DKC1: variants seen among roughly 807,000 people sequenced by gnomAD.
DKC1 encodes H/ACA ribonucleoprotein complex subunit DKC1.
In DKC1, 4 loss-of-function variants were observed where a neutral mutation model predicts 46.7. The observed-to-expected ratio is 0.09, with a 90% CI of 0.04 to 0.20. The LOEUF is 0.20. Among genes scored for constraint, DKC1 ranks in the 10% least tolerant of loss-of-function variants. DKC1 has a pLI of 1.00. For missense variants in DKC1, 171 were observed against 404.2 expected, an observed-to-expected ratio of 0.42 and a Z score of 4.95; for synonymous variants, 141 against 142.4, an observed-to-expected ratio of 0.99 and a Z score of 0.07.
intron 9 of DKC1, among the ~76,000 whole-genome samples, chrX:154,770,191 A>G (rs1557264734): frequency 9.0e-6 from 1 of 111,429 alleles, no homozygotes; most frequent in Non-Finnish European, 1.9e-5. Flanking sequence ...AATATGGACC[A>G]CGTGCGGTGG....
chrX:154,765,074 T>C, intron 2 of DKC1, 108 bp downstream of exon 2: 1 of 664,581 alleles, frequency 1.5e-6, no homozygotes, highest in Admixed American at 2.3e-5. Context: ...TGGGCCAGCA[T>C]TGGTAGTCAT....
chrX:154,767,500 T>C (rs2071760897), intron 7 of DKC1, 118 bp downstream of exon 7: 6 of 884,072 alleles, frequency 6.8e-6, no homozygotes, highest in South Asian at 2.1e-5. Context: ...AGCTGGGATA[T>C]TGTCTGTGGG....
At chrX:154,767,164 C>T (rs2071756382) in intron 6 of DKC1, 92 bp from the exon 7 acceptor site, 1 of 1,189,196 alleles carries the variant, frequency 8.4e-7, no homozygotes, top group Non-Finnish European at 1.1e-6. Context: ...CCTTTTGTCC[C>T]CTTTTCAGTC....
Position 154,766,396 on chromosome X carries a change from T to C in DKC1, c.444T>C (p.Ser148=). The C allele has an allele frequency of 8.3e-7, 1 of 1,208,505 alleles. No homozygotes were observed. The highest frequency in any genetic ancestry group is 1.1e-6 in the Non-Finnish European group (1 of 893,171). Residue 148 remains serine, a synonymous_variant, in exon 5 of 15, where the codon AGT becomes AGC. Coordinates refer to ENST00000369550, the MANE Select transcript of DKC1 (RefSeq NM_001363.5). ...RATRLVKSQQ[S]AGKEYVGIVR... ...CTCGCTTGGTGAAGTCACAACAGAG[T>C]GCAGGTATGTGGGAGAGGGAGGGAA...
chrX:154,773,912 C>T (rs1382872450), intron 11 of DKC1, among the ~76,000 whole-genome samples: 2 of 110,947 alleles, frequency 1.8e-5, no homozygotes, highest in Non-Finnish European at 3.8e-5. Context: ...CCGGACGGGG[C>T]GGCTGGCCGG....
At chrX:154,773,005 C>G (rs939987105) in intron 10 of DKC1, 126 bp from the exon 11 acceptor site, 2 of 492,973 alleles carry the variant, frequency 4.1e-6, no homozygotes, top group African/African-American at 4.7e-5. Flanking sequence ...CAAAGGTAAC[C>G]CCAATTAAAG....
chrX:154,773,698 C>T (rs960840216), intron 11 of DKC1, among the ~76,000 whole-genome samples: 33 of 111,996 alleles, frequency 2.9e-4, no homozygotes, highest in African/African-American at 1.0e-3. Context: ...CCCATGTCTA[C>T]TTCTCTCCAC....
rs1484264834 is a variant in DKC1, at chrX:154,771,212, G to A, written c.1036+333G>A. ...GTTTTTTTTTTTTTTTTTTTTTTGAGACAGTCTTGCTCTTTTCACCCAGAC... is the reference window on the plus strand; with the variant it reads ...GTTTTTTTTTTTTTTTTTTTTTTGAAACAGTCTTGCTCTTTTCACCCAGAC... On this transcript the variant is annotated intron_variant, in intron 10 of 14. Coordinates refer to ENST00000369550, the MANE Select transcript of DKC1 (RefSeq NM_001363.5). Among the ~76,000 whole-genome samples, 3 of 69,864 alleles carry A rather than the reference G, an allele frequency of 4.3e-5. No homozygotes were observed. The Admixed American group carries it at 5.8e-4, about 14-fold the overall frequency. 60.7% of individuals were successfully genotyped at this position (69,864 alleles called of 115,157 possible). A position where few individuals can be genotyped will look rare whatever the true frequency, so the allele number is the denominator to read the frequency against.
Position 154,764,684 on chromosome X carries a change from C to T in DKC1, c.17-215C>T, listed in dbSNP as rs1222840192. Among the ~76,000 whole-genome samples, 5 of 111,513 alleles carry T rather than the reference C, an allele frequency of 4.5e-5. No individual in the cohort carries two copies. In the Admixed American group the frequency reaches 4.8e-4, roughly 11 times the overall value. On this transcript the variant is annotated intron_variant, in intron 1 of 14. Coordinates refer to ENST00000369550, the MANE Select transcript of DKC1 (RefSeq NM_001363.5). ...CTACACAGGGTCAGGATCATCAAGA[C>T]ATCACTAGGAGATAGGAATTTTTCA...
rs1557264494 is a variant in DKC1, at chrX:154,768,442, AC to A, written c.771+11del. 1 of 1,210,961 alleles carries A rather than the reference AC, an allele frequency of 8.3e-7. No individual in the cohort carries two copies. The highest frequency in any genetic ancestry group is 2.2e-5 in the Admixed American group (1 of 45,947). On this transcript the variant is annotated intron_variant, in intron 8 of 14. Transcript: ENST00000369550. ...AGTCATGAGTGAAAAGGTATGTGTT[AC>A]GGGGCTAGAAGTTTTAGAGCTGGTT...
At chrX:154,775,902 C>T (rs1034349758) in intron 13 of DKC1, among the ~76,000 whole-genome samples, 1 of 112,013 alleles carries the variant, frequency 8.9e-6, no homozygotes, top group Non-Finnish European at 1.9e-5. Flanking sequence ...GTGAGAGGTC[C>T]TTGCAGTCAT....
Position 154,774,640 on chromosome X carries a change from G to A in DKC1, c.1194G>A (p.Leu398=). The A allele has an allele frequency of 8.3e-7, 1 of 1,211,870 alleles. No individual in the cohort carries two copies. Among genetic ancestry groups the A allele is most frequent in the African/African-American group, 1.7e-5 (1 of 57,864 alleles). ...QKKLMIKQGL[L]DKHGKPTDST... The stretch of plus-strand genomic sequence containing the variant: ...AGCTGATGATCAAGCAGGGCCTTCT[G>A]GACAAGCATGGGAAGCCCACAGACA... Residue 398 remains leucine, a synonymous_variant, in exon 12 of 15, where the codon CTG becomes CTA. Transcript: ENST00000369550.
intron 14 of DKC1, 145 bp downstream of exon 14, chrX:154,776,469 C>T (rs1401961191): frequency 1.1e-6 from 1 of 891,171 alleles, no homozygotes; most frequent in Non-Finnish European, 1.6e-6. Flanking sequence ...TAGTGCTTCC[C>T]CATGTTCCTG....
intron 10 of DKC1, among the ~76,000 whole-genome samples, chrX:154,771,216 G>A (rs1250038411): frequency 1.3e-5 from 1 of 76,356 alleles, no homozygotes; most frequent in African/African-American, 5.4e-5. Flanking sequence ...TTTTGAGACA[G>A]TCTTGCTCTT....
rs1027109673 is a variant in DKC1 at position 154,774,543 on chromosome X, A to C, written c.1156-59A>C. 21 of 1,035,614 alleles carry C rather than the reference A, an allele frequency of 2.0e-5. No homozygotes were observed. The African/African-American group carries it at 2.4e-4, about 12-fold the overall frequency. The allele number at this position is 1,035,614 out of a possible 1,213,427, so 85.3% of individuals were successfully genotyped here. A position where few individuals can be genotyped will look rare whatever the true frequency, so the allele number is the denominator to read the frequency against. On this transcript the variant is annotated intron_variant, in intron 11 of 14. Coordinates refer to ENST00000369550, the MANE Select transcript of DKC1 (RefSeq NM_001363.5). ...GAACCTTGTTCTATTCTTTGTAGTCACCATGCCCGCTTCCAGCATTGACAC... is the reference window on the plus strand; with the variant it reads ...GAACCTTGTTCTATTCTTTGTAGTCCCCATGCCCGCTTCCAGCATTGACAC...
chrX:154,770,731 C>CCA (rs1557264828), intron 9 of DKC1, 28 bp from the exon 10 acceptor site: 6 of 1,207,794 alleles, frequency 5.0e-6, no homozygotes, highest in Non-Finnish European at 6.7e-6. Context: ...AGCAGCTGGG[C>CCA]CCCTTACACT....
At chrX:154,768,634 A>G (rs782512763) in intron 8 of DKC1, 1 of 553,714 alleles carries the variant, frequency 1.8e-6, no homozygotes, top group African/African-American at 2.2e-5. Flanking sequence ...GTATTATTCT[A>G]TTCATTTGCC....
intron 9 of DKC1, among the ~76,000 whole-genome samples, chrX:154,770,467 TAAAAAAAAAAA>T (rs150045442): frequency 5.9e-5 from 4 of 67,790 alleles, no homozygotes; most frequent in Non-Finnish European, 7.9e-5. Context: ...GCCTGAAAAT[TAAAAAAAAAAA>T]AAAAAAAAAA....
intron 1 of DKC1, 52 bp from the exon 2 acceptor site, chrX:154,764,847 T>A: frequency 1.0e-6 from 1 of 984,928 alleles, no homozygotes; most frequent in East Asian, 3.1e-5. Flanking sequence ...TTTAAACCCT[T>A]GTTTCATTTA....
Sources: allele counts gnomAD v4.1 joint callset (sites outside exome capture counted in the v4.1 genomes callset), GRCh38; gene constraint gnomAD v4.1.1; transcripts MANE v1.5; gene names NCBI Gene and HGNC (gene_info 2026-07-23, HGNC 2026-07-21).